Variants in CCSER1 observed in about 807,000 individuals in gnomAD.
CCSER1 encodes serine-rich coiled-coil domain-containing protein 1.
In CCSER1, 41 loss-of-function variants were observed where a neutral mutation model predicts 82.0. That is an observed-to-expected ratio of 0.50 (90% CI 0.39 to 0.65). The LOEUF (loss-of-function observed/expected upper bound fraction) is 0.65. Ranked by LOEUF, CCSER1 falls within the 30% of genes least tolerant of loss-of-function variation. The pLI, the probability that CCSER1 is intolerant of heterozygous loss-of-function variation, is 0.00. For synonymous variants in CCSER1, 414 were observed against 383.9 expected, an observed-to-expected ratio of 1.08 and a Z score of -0.92; for missense variants, 1,119 against 1,064.2, an observed-to-expected ratio of 1.05 and a Z score of -0.72.
chr4:91,214,678 C>T (rs1268047537), intron 10 of CCSER1, among the ~76,000 whole-genome samples: 1 of 152,220 alleles, frequency 6.6e-6, no homozygotes, highest in African/African-American at 2.4e-5. Context: ...AAAAGTCAGT[C>T]TCCATAAATG....
At chr4:90,787,739 T>G (rs1342257762) in intron 7 of CCSER1, among the ~76,000 whole-genome samples, 1 of 152,204 alleles carries the variant, frequency 6.6e-6, no homozygotes, top group African/African-American at 2.4e-5. Context: ...CATCATGTAC[T>G]GATTAGAGGT....
At chr4:90,742,967 T>G (rs1432492546) in intron 7 of CCSER1, among the ~76,000 whole-genome samples, 1 of 152,188 alleles carries the variant, frequency 6.6e-6, no homozygotes, top group Non-Finnish European at 1.5e-5. Flanking sequence ...TTTAGCCTTT[T>G]TTTCACTGCA....
intron 1 of CCSER1, among the ~76,000 whole-genome samples, chr4:90,279,186 A>T (rs1028470331): frequency 3.3e-5 from 5 of 152,088 alleles, no homozygotes; most frequent in Non-Finnish European, 5.9e-5. Context: ...GGCATGGTGT[A>T]ATCTAGTAAT....
chr4:90,322,364 C>T (rs990781167), intron 3 of CCSER1, among the ~76,000 whole-genome samples: 1 of 152,108 alleles, frequency 6.6e-6, no homozygotes, highest in Non-Finnish European at 1.5e-5. Context: ...TACTACCATG[C>T]TATTTTGGTT....
At chr4:90,437,136 T>TA (rs1759129536) in intron 4 of CCSER1, among the ~76,000 whole-genome samples, 1 of 152,176 alleles carries the variant, frequency 6.6e-6, no homozygotes, top group African/African-American at 2.4e-5. Flanking sequence ...TATTATTTCA[T>TA]AAAGATGAAT....
intron 10 of CCSER1, among the ~76,000 whole-genome samples, chr4:91,301,839 A>G (rs1205057215): frequency 1.3e-5 from 2 of 151,922 alleles, no homozygotes; most frequent in Admixed American, 6.6e-5. Flanking sequence ...GGCTCTGTGA[A>G]TGGTGAAAAT....
Position 90,665,361 on chromosome 4 carries a change from G to A in CCSER1, c.1932+37129G>A, listed in dbSNP as rs552928421. On this transcript the variant is annotated intron_variant, in intron 6 of 10. Transcript: ENST00000509176. ...TTTTTTGAGACGGAGTCTTGCTGTCGCCCAGGCTGGAGTGCAGTGGCGTGA... is the reference window on the plus strand; with the variant it reads ...TTTTTTGAGACGGAGTCTTGCTGTCACCCAGGCTGGAGTGCAGTGGCGTGA... 6.8e-4 allele frequency among the ~76,000 whole-genome samples: 101 copies of A among 149,156 alleles called. 1 individual carries two copies. Among genetic ancestry groups the A allele is most frequent in the Non-Finnish European group, 1.1e-3 (73 of 67,604 alleles).
At chr4:91,425,379 G>A (rs1284795189) in intron 10 of CCSER1, among the ~76,000 whole-genome samples, 2 of 151,898 alleles carry the variant, frequency 1.3e-5, no homozygotes, top group African/African-American at 2.4e-5. Context: ...CAAATCTGTC[G>A]ACATCCCAAG....
chr4:90,946,720 A>G (rs1732296096), intron 9 of CCSER1, among the ~76,000 whole-genome samples: 2 of 152,282 alleles, frequency 1.3e-5, no homozygotes, highest in East Asian at 1.9e-4. Context: ...AAATGGTGAC[A>G]TAACTAGAAT....
Position 91,216,420 on chromosome 4 carries a change from C to T in CCSER1, c.2217+130426C>T, listed in dbSNP as rs112820966. Among the ~76,000 whole-genome samples the T allele has an allele frequency of 7.4e-3, 1,119 of 152,100 alleles. 13 individuals are homozygous for T. Among genetic ancestry groups the T allele is most frequent in the African/African-American group, 0.023 (966 of 41,478 alleles). ...CTGCAAGCTCTGCCTCCTGGGTTCACGCCATTCTCCTGCCTCAGCCTCCCG... is the reference window on the plus strand; with the variant it reads ...CTGCAAGCTCTGCCTCCTGGGTTCATGCCATTCTCCTGCCTCAGCCTCCCG... On this transcript the variant is annotated intron_variant, in intron 10 of 10. Coordinates refer to ENST00000509176, the MANE Select transcript of CCSER1 (RefSeq NM_001145065.2).
chr4:90,896,149 C>T (rs11938359), intron 8 of CCSER1, among the ~76,000 whole-genome samples: 63,098 of 151,622 alleles, frequency 0.42, 13,564 homozygotes, highest in Non-Finnish European at 0.48. Context: ...CCAGGATGAC[C>T]CCTAGGGTCT....
intron 10 of CCSER1, among the ~76,000 whole-genome samples, chr4:91,102,590 A>T: frequency 6.6e-6 from 1 of 152,330 alleles, no homozygotes; most frequent in South Asian, 2.1e-4. Flanking sequence ...CACATAAGTT[A>T]TTTTTAGAAT....
At chr4:90,417,030 A>C (rs1295313932) in intron 4 of CCSER1, among the ~76,000 whole-genome samples, 1 of 152,126 alleles carries the variant, frequency 6.6e-6, no homozygotes, top group Non-Finnish European at 1.5e-5. Flanking sequence ...GGGGAACATC[A>C]CACACCAGGG....
At chr4:91,059,516 C>A (rs1308481712) in intron 9 of CCSER1, among the ~76,000 whole-genome samples, 1 of 150,482 alleles carries the variant, frequency 6.6e-6, no homozygotes, top group Non-Finnish European at 1.5e-5. Context: ...TACTAAATTT[C>A]TTTCTATCAT....
At chr4:90,581,618 A>C (rs2148638816) in intron 5 of CCSER1, among the ~76,000 whole-genome samples, 1 of 152,258 alleles carries the variant, frequency 6.6e-6, no homozygotes, top group South Asian at 2.1e-4. Flanking sequence ...AAATCCCTTT[A>C]ATGGAAATAA....
intron 3 of CCSER1, among the ~76,000 whole-genome samples, chr4:90,388,171 A>C (rs1262281762): frequency 6.6e-6 from 1 of 152,200 alleles, no homozygotes; most frequent in Non-Finnish European, 1.5e-5. Context: ...TTTAGTTCAC[A>C]AGGCTGCTTT....
chr4:90,198,285 C>T (rs563032491), intron 1 of CCSER1, among the ~76,000 whole-genome samples: 1 of 152,054 alleles, frequency 6.6e-6, no homozygotes, highest in African/African-American at 2.4e-5. Context: ...GCAAATACTC[C>T]CCCATCCTGA....
intron 4 of CCSER1, among the ~76,000 whole-genome samples, chr4:90,416,918 A>G (rs1026161411): frequency 6.6e-6 from 1 of 151,230 alleles, no homozygotes; most frequent in Non-Finnish European, 1.5e-5. Flanking sequence ...GAAGCTGAAA[A>G]CCATTATTCT....
chr4:90,948,978 A>G (rs1458891405), intron 9 of CCSER1, among the ~76,000 whole-genome samples: 5 of 152,108 alleles, frequency 3.3e-5, no homozygotes, highest in African/African-American at 1.2e-4. Flanking sequence ...TAATTAGCGT[A>G]ACAAGAATAT....
Sources: gnomAD v4.1 joint callset for allele counts (sites outside exome capture counted in the v4.1 genomes callset) on GRCh38, gnomAD v4.1.1 for gene constraint, MANE v1.5 for transcripts, NCBI Gene and HGNC (gene_info 2026-07-23, HGNC 2026-07-21) for gene names.